NEGR1: variants seen among roughly 807,000 people sequenced by gnomAD.
NEGR1 encodes the protein neuronal growth regulator 1, also known as IgLON family member 4.
NEGR1 carries 10 observed loss-of-function variants against 40.9 expected under a neutral mutation model. That is an observed-to-expected ratio of 0.24 (90% CI 0.15 to 0.42). NEGR1 has a LOEUF of 0.42. NEGR1 is among the 10% of genes least tolerant of loss of function. The pLI is 1.00. For synonymous variants in NEGR1, 185 were observed against 166.8 expected, an observed-to-expected ratio of 1.11 and a Z score of -0.84; for missense variants, 352 against 438.9, an observed-to-expected ratio of 0.80 and a Z score of 1.77.
intron 1 of NEGR1, among the ~76,000 whole-genome samples, chr1:72,258,283 A>G (rs1328281119): frequency 1.3e-5 from 2 of 152,198 alleles, no homozygotes. Flanking sequence ...ATCAACACAC[A>G]GGACAGATCC....
intron 5 of NEGR1, among the ~76,000 whole-genome samples, chr1:71,600,818 T>C (rs1333618417): frequency 1.3e-5 from 2 of 152,228 alleles, no homozygotes; most frequent in African/African-American, 4.8e-5. Flanking sequence ...ATCAACTATT[T>C]ATTTTAGAAC....
chr1:72,029,218 C>T (rs963094259), intron 1 of NEGR1, among the ~76,000 whole-genome samples: 60 of 152,010 alleles, frequency 3.9e-4, no homozygotes, highest in East Asian at 1.9e-4. Context: ...TGGTGGCTTG[C>T]GCTTGTAATC....
At chr1:72,268,227 G>T (rs1176623391) in intron 1 of NEGR1, among the ~76,000 whole-genome samples, 2 of 151,332 alleles carry the variant, frequency 1.3e-5, no homozygotes, top group Admixed American at 6.6e-5. Flanking sequence ...GGCAGCATAA[G>T]AAAGAAAACT....
chr1:71,975,348 C>A (rs1486335645), intron 1 of NEGR1, among the ~76,000 whole-genome samples: 2 of 152,036 alleles, frequency 1.3e-5, no homozygotes, highest in Non-Finnish European at 2.9e-5. Context: ...GAAAGTGTTT[C>A]TAATATACCA....
At chr1:72,127,203 G>C (rs1471200022) in intron 1 of NEGR1, among the ~76,000 whole-genome samples, 1 of 151,996 alleles carries the variant, frequency 6.6e-6, no homozygotes, top group East Asian at 1.9e-4. Flanking sequence ...CCTGTAATCC[G>C]CCCGTAATCC....
intron 1 of NEGR1, among the ~76,000 whole-genome samples, chr1:72,103,645 C>G (rs558698436): frequency 2.8e-4 from 43 of 152,154 alleles, no homozygotes; most frequent in African/African-American, 9.9e-4. Context: ...GGACTCAGAC[C>G]TGTTTCAGGC....
intron 1 of NEGR1, among the ~76,000 whole-genome samples, chr1:72,208,113 GT>G (rs1193960123): frequency 2.6e-5 from 4 of 151,558 alleles, no homozygotes; most frequent in African/African-American, 9.7e-5. Flanking sequence ...TGGGCATATA[GT>G]ACACATTAAA....
chr1:71,874,489 A>C (rs1660368620), intron 2 of NEGR1, among the ~76,000 whole-genome samples: 1 of 152,094 alleles, frequency 6.6e-6, no homozygotes, highest in African/African-American at 2.4e-5. Flanking sequence ...TCAACTGCAA[A>C]CTTCCACAGC....
At chr1:72,008,592 T>C (rs1219189944) in intron 1 of NEGR1, among the ~76,000 whole-genome samples, 1 of 152,126 alleles carries the variant, frequency 6.6e-6, no homozygotes, top group Non-Finnish European at 1.5e-5. Flanking sequence ...CACTTAATTG[T>C]TCATACATTT....
chr1:72,011,354 G>A (rs1008427567), intron 1 of NEGR1, among the ~76,000 whole-genome samples: 4 of 152,096 alleles, frequency 2.6e-5, no homozygotes, highest in African/African-American at 9.7e-5. Context: ...GGAAAGGGAA[G>A]GTTAGGATTT....
At chr1:71,762,817 T>C (rs1655991475) in intron 3 of NEGR1, among the ~76,000 whole-genome samples, 1 of 152,158 alleles carries the variant, frequency 6.6e-6, no homozygotes, top group African/African-American at 2.4e-5. Flanking sequence ...ATGAGTGACA[T>C]CTTTTATTGA....
At chr1:71,512,169 T>A (rs1282975244) in intron 6 of NEGR1, among the ~76,000 whole-genome samples, 1 of 152,228 alleles carries the variant, frequency 6.6e-6, no homozygotes, top group African/African-American at 2.4e-5. Context: ...AATCAAGTGT[T>A]ATGTTTTTAA....
At chr1:71,607,466 T>C (rs566924988) in intron 5 of NEGR1, among the ~76,000 whole-genome samples, 1 of 152,314 alleles carries the variant, frequency 6.6e-6, no homozygotes, top group East Asian at 1.9e-4. Flanking sequence ...TGAAGATTTA[T>C]AAGACTTCCT....
chr1:71,537,576 T>A (rs1647550410), intron 6 of NEGR1, among the ~76,000 whole-genome samples: 1 of 151,750 alleles, frequency 6.6e-6, no homozygotes, highest in South Asian at 2.1e-4. Flanking sequence ...TTTCCAATCT[T>A]GTTCTCACAT....
intron 2 of NEGR1, among the ~76,000 whole-genome samples, chr1:71,920,583 T>C (rs1442309188): frequency 6.6e-6 from 1 of 152,164 alleles, no homozygotes; most frequent in African/African-American, 2.4e-5. Flanking sequence ...CCCCAGCTGA[T>C]AGGTAATTTC....
chr1:71,676,964 C>T (rs1261084609), intron 4 of NEGR1, among the ~76,000 whole-genome samples: 5 of 152,110 alleles, frequency 3.3e-5, no homozygotes, highest in African/African-American at 1.2e-4. Context: ...AAAGCTTGGG[C>T]TTTCCAATTA....
intron 6 of NEGR1, among the ~76,000 whole-genome samples, chr1:71,538,844 GT>G: frequency 6.6e-6 from 1 of 151,822 alleles, no homozygotes; most frequent in Non-Finnish European, 1.5e-5. Context: ...AGACAGCACT[GT>G]CCTGGAAGTC....
intron 2 of NEGR1, among the ~76,000 whole-genome samples, chr1:71,835,654 A>C (rs1483717334): frequency 6.6e-6 from 1 of 152,094 alleles, no homozygotes; most frequent in Non-Finnish European, 1.5e-5. Context: ...GCTTTTGCAA[A>C]TTTCTTGAAT....
At chr1:72,034,754 C>A (rs535833063) in intron 1 of NEGR1, among the ~76,000 whole-genome samples, 1 of 152,196 alleles carries the variant, frequency 6.6e-6, no homozygotes, top group Admixed American at 6.5e-5. Flanking sequence ...ACAACATGAC[C>A]ATAATACAGG....
Sources: gnomAD v4.1 joint callset for allele counts (sites outside exome capture counted in the v4.1 genomes callset) on GRCh38, gnomAD v4.1.1 for gene constraint, MANE v1.5 for transcripts, NCBI Gene and HGNC (gene_info 2026-07-23, HGNC 2026-07-21) for gene names.